Variants in CASK observed in about 807,000 individuals in gnomAD.
The protein encoded by CASK is calcium/calmodulin dependent serine protein kinase.
In CASK, 4 loss-of-function variants were observed where a neutral mutation model predicts 82.9. The ratio of observed to expected loss-of-function variants is 0.05; its 90% confidence interval spans 0.02 to 0.11. The LOEUF (loss-of-function observed/expected upper bound fraction) is 0.11, where lower values mean the gene tolerates loss of function less well. Among genes scored for constraint, CASK ranks in the 10% least tolerant of loss-of-function variants. CASK has a pLI of 1.00. For synonymous variants in CASK, 259 were observed against 253.5 expected (o/e 1.02, Z -0.20); for missense variants, 358 against 720.9 (o/e 0.50, Z 5.76).
chrX:41,905,320 T>A lies in CASK; in HGVS notation c.59+17610A>T, dbSNP rs192632566. On this transcript the variant is annotated intron_variant, in intron 1 of 26. Coordinates refer to ENST00000378163, the MANE Select transcript of CASK (RefSeq NM_001367721.1). ...CTTTTTGAGGAACTGCCAGTGTGTT[T>A]TTCAAGGTGGCTGCAACATTCTACA... Among the ~76,000 whole-genome samples the A allele has an allele frequency of 3.1e-3, 345 of 112,297 alleles. 2 individuals carry two copies. The highest frequency in any genetic ancestry group is 5.0e-3 in the Non-Finnish European group (266 of 53,233).
intron 1 of CASK, among the ~76,000 whole-genome samples, chrX:41,864,200 T>C (rs1601918110): frequency 8.9e-6 from 1 of 111,873 alleles, no homozygotes; most frequent in South Asian, 3.7e-4. Flanking sequence ...TAGTGAAAGA[T>C]ATCTCAGTCA....
At chrX:41,597,345 T>C (rs1464454934) in intron 12 of CASK, among the ~76,000 whole-genome samples, 1 of 112,618 alleles carries the variant, frequency 8.9e-6, no homozygotes, top group African/African-American at 3.2e-5. Context: ...TTGATGTTCA[T>C]TAGCAACCAT....
chrX:41,587,033 T>C, intron 13 of CASK, 46 bp from the exon 14 acceptor site: 1 of 737,839 alleles, frequency 1.4e-6, no homozygotes, highest in Non-Finnish European at 2.1e-6. Context: ...TGACACAAGA[T>C]TTACAAAATG....
At chrX:41,870,396 G>A (rs1197415300) in intron 1 of CASK, among the ~76,000 whole-genome samples, 3 of 111,850 alleles carry the variant, frequency 2.7e-5, no homozygotes, top group Non-Finnish European at 3.8e-5. Flanking sequence ...AATGATGAAA[G>A]TAAACTTAAG....
At position 41,798,562 on chromosome X, in the gene CASK, C is replaced by T. The variant is rs921865033; in HGVS notation, c.173-11279G>A. 2.7e-5 allele frequency among the ~76,000 whole-genome samples: 3 copies of T among 112,644 alleles called. No homozygotes were observed. The East Asian group carries it at 8.3e-4, about 31-fold the overall frequency. On this transcript the variant is annotated intron_variant, in intron 2 of 26. Coordinates refer to ENST00000378163, the MANE Select transcript of CASK (RefSeq NM_001367721.1). ...AGAACTAATAAGCTGCGGCCAGGGG[C>T]GGTGGCTCACGCCTGTAATCCCAGC...
intron 1 of CASK, among the ~76,000 whole-genome samples, chrX:41,874,338 T>C (rs1150373): frequency 0.19 from 21,192 of 110,815 alleles, 1,624 homozygotes; most frequent in Middle Eastern, 0.3. Flanking sequence ...CTCCCTCCCC[T>C]GCTACAGGCC....
intron 2 of CASK, among the ~76,000 whole-genome samples, chrX:41,831,657 A>G (rs1461729527): frequency 8.9e-6 from 1 of 112,395 alleles, no homozygotes; most frequent in African/African-American, 3.2e-5. Context: ...AACAATTGAG[A>G]TATTATAAAG....
At chrX:41,856,822 T>C in intron 1 of CASK, among the ~76,000 whole-genome samples, 1 of 102,982 alleles carries the variant, frequency 9.7e-6, no homozygotes, top group Non-Finnish European at 2.0e-5. Flanking sequence ...AACCAAACTG[T>C]AGGGTCTCAC....
At position 41,665,262 on chromosome X, in the gene CASK, T is replaced by C. The variant is rs1204975147; in HGVS notation, c.708+15A>G. 2.6e-6 allele frequency: 3 copies of C among 1,164,034 alleles called. No homozygotes were observed. The highest frequency in any genetic ancestry group is 3.5e-6 in the Non-Finnish European group (3 of 853,957). ...TTAATCTCAATGGAAAAAGAAAATGTTCATGATGCATTACCTTATATTTTC... is the reference window on the plus strand; with the variant it reads ...TTAATCTCAATGGAAAAAGAAAATGCTCATGATGCATTACCTTATATTTTC... On this transcript the variant is annotated intron_variant, in intron 7 of 26. Transcript: ENST00000378163.
intron 12 of CASK, among the ~76,000 whole-genome samples, chrX:41,607,971 T>G (rs2065984820): frequency 8.9e-6 from 1 of 112,268 alleles, no homozygotes; most frequent in Admixed American, 9.4e-5. Context: ...TAACAGTTAG[T>G]CAGCCCTAAT....
chrX:41,723,291 C>CT (rs925730618), intron 5 of CASK, among the ~76,000 whole-genome samples: 2 of 112,103 alleles, frequency 1.8e-5, no homozygotes, highest in Non-Finnish European at 3.8e-5. Context: ...ACTGGTTTAA[C>CT]TACTCAAGGA....
At chrX:41,811,878 T>C (rs1435767857) in intron 2 of CASK, among the ~76,000 whole-genome samples, 1 of 111,230 alleles carries the variant, frequency 9.0e-6, no homozygotes, top group Admixed American at 9.5e-5. Flanking sequence ...AAGAATCAAA[T>C]AGACGCAATA....
At chrX:41,753,066 G>A (rs1160706676) in intron 3 of CASK, among the ~76,000 whole-genome samples, 1 of 111,555 alleles carries the variant, frequency 9.0e-6, no homozygotes, top group African/African-American at 3.3e-5. Context: ...ATATTATATT[G>A]CCATTAAATG....
At chrX:41,897,949 C>T (rs979429032) in intron 1 of CASK, among the ~76,000 whole-genome samples, 3 of 111,672 alleles carry the variant, frequency 2.7e-5, no homozygotes, top group African/African-American at 9.7e-5. Context: ...CTTGTACTGT[C>T]CTTGTCTAGC....
chrX:41,779,267 G>C (rs1268804442), intron 3 of CASK, among the ~76,000 whole-genome samples: 1 of 112,039 alleles, frequency 8.9e-6, no homozygotes, highest in Non-Finnish European at 1.9e-5. Context: ...TAAAAACCCA[G>C]GGCAGAGTCT....
chrX:41,677,553 C>T (rs761975550), intron 5 of CASK, among the ~76,000 whole-genome samples: 17 of 111,894 alleles, frequency 1.5e-4, no homozygotes, highest in Non-Finnish European at 3.2e-4. Flanking sequence ...TTGGAAGTTA[C>T]TGGTGACCTT....
intron 8 of CASK, among the ~76,000 whole-genome samples, chrX:41,658,310 T>G (rs2066975490): frequency 8.9e-6 from 1 of 112,345 alleles, no homozygotes; most frequent in Admixed American, 9.4e-5. Flanking sequence ...TTGTAGTTGG[T>G]TGGCAGAAGT....
At chrX:41,562,199 TGTG>T in intron 16 of CASK, 1 of 114,021 alleles carries the variant, frequency 8.8e-6, no homozygotes, top group Non-Finnish European at 1.9e-5. Flanking sequence ...TTCCAAGAGT[TGTG>T]ACATGATAAT....
chrX:41,833,880 T>G (rs2070877068), intron 2 of CASK, among the ~76,000 whole-genome samples: 1 of 111,330 alleles, frequency 9.0e-6, no homozygotes, highest in Non-Finnish European at 1.9e-5. Flanking sequence ...TCCCAGGTAG[T>G]TGGGACTACA....
Sources: allele counts gnomAD v4.1 joint callset (sites outside exome capture counted in the v4.1 genomes callset), GRCh38; gene constraint gnomAD v4.1.1; transcripts MANE v1.5; gene names NCBI Gene and HGNC (gene_info 2026-07-23, HGNC 2026-07-21).